CDK5RAP2: variants seen among roughly 807,000 people sequenced by gnomAD.
CDK5RAP2 encodes the protein CDK5 regulatory subunit associated protein 2, also known as CDK5 regulatory subunit-associated protein 2.
CDK5RAP2 carries 147 observed loss-of-function variants against 232.9 expected under a neutral mutation model. The observed-to-expected ratio is 0.63, with a 90% CI of 0.55 to 0.72. The LOEUF (loss-of-function observed/expected upper bound fraction) is 0.72, where lower values mean the gene tolerates loss of function less well. Ranked by LOEUF, CDK5RAP2 falls within the 30% of genes least tolerant of loss-of-function variation. The probability of loss-of-function intolerance (pLI) is 0.00; values close to 1 mark genes in which losing one functional copy is unlikely to be tolerated. For synonymous variants in CDK5RAP2, 833 were observed against 833.7 expected (o/e 1.00, Z 0.01); for missense variants, 2,195 against 2,231.5 (o/e 0.98, Z 0.33).
At chr9:120,497,012 G>A (rs576662500) in intron 12 of CDK5RAP2, among the ~76,000 whole-genome samples, 3 of 135,794 alleles carry the variant, frequency 2.2e-5, no homozygotes, top group Admixed American at 7.0e-5. Context: ...GATGGTTGCC[G>A]TGTCTGTGTA....
Position 120,439,908 on chromosome 9 carries a change from A to G in CDK5RAP2, c.3213T>C (p.Asp1071=). The change falls in exon 24 of 38, where the codon GAT becomes GAC. Residue 1071 remains aspartate, a synonymous_variant. Transcript: ENST00000349780. ...SLPSCKENPE[D]VLSPTSVATY... is the part of the protein sequence containing the mutation. ...TAGCTACTGAAGTTGGGCTCAGAAC[A>G]TCTTCAGGATTTTCTTTGCATGATG... 1 of 1,614,184 alleles carries G rather than the reference A, an allele frequency of 6.2e-7. No homozygotes were observed. Among genetic ancestry groups the G allele is most frequent in the Non-Finnish European group, 8.5e-7 (1 of 1,180,018 alleles).
In CDK5RAP2 at chr9:120,496,639, A is replaced by G. The variant is rs1242164103; in HGVS notation, c.1312-5162T>C. 2.6e-3 allele frequency among the ~76,000 whole-genome samples: 293 copies of G among 114,876 alleles called. No individual in the cohort carries two copies. In the Middle Eastern group the frequency reaches 0.062, roughly 24 times the overall value. The allele number at this position is 114,876 out of a possible 152,430, so 75.4% of individuals were successfully genotyped here. A position where few individuals can be genotyped will look rare whatever the true frequency, so the allele number is the denominator to read the frequency against. On this transcript the variant is annotated intron_variant, in intron 12 of 37. Coordinates refer to ENST00000349780, the MANE Select transcript of CDK5RAP2 (RefSeq NM_018249.6). ...CTCTGCCCGGCCGCCCCTACTGGGA[A>G]GTGAGGAGCCCCTCTGCCCGGCCAG...
At chr9:120,402,107 C>A (rs1376900299) in intron 34 of CDK5RAP2, among the ~76,000 whole-genome samples, 6 of 152,112 alleles carry the variant, frequency 3.9e-5, no homozygotes. Flanking sequence ...GCCTGGGCAA[C>A]AGAGTGAGAC....
chr9:120,517,301 C>A lies in CDK5RAP2; in HGVS notation c.1311+1126G>T, dbSNP rs563025856. Among the ~76,000 whole-genome samples the A allele has an allele frequency of 1.2e-4, 19 of 152,274 alleles. 1 individual carries two copies. The highest frequency in any genetic ancestry group is 1.2e-3 in the Admixed American group (19 of 15,302). On this transcript the variant is annotated intron_variant, in intron 12 of 37. Coordinates refer to ENST00000349780, the MANE Select transcript of CDK5RAP2 (RefSeq NM_018249.6). ...ATATACAAACATTTGCATTTCAATT[C>A]TTTCTTCAGTGTTAACACTGGGATT...
chr9:120,475,205 C>A (rs1488661178), intron 15 of CDK5RAP2, among the ~76,000 whole-genome samples: 1 of 152,138 alleles, frequency 6.6e-6, no homozygotes, highest in Non-Finnish European at 1.5e-5. Context: ...AAATTACTTA[C>A]CCAAGAGCTC....
intron 36 of CDK5RAP2, 124 bp downstream of exon 36, chr9:120,394,388 G>T: frequency 1.4e-6 from 2 of 1,447,868 alleles, no homozygotes; most frequent in Non-Finnish European, 1.9e-6. Flanking sequence ...ATGAAAAGAA[G>T]CCCACAGATA....
chr9:120,398,655 C>T (rs748187729), intron 35 of CDK5RAP2, among the ~76,000 whole-genome samples: 4 of 152,176 alleles, frequency 2.6e-5, no homozygotes, highest in Non-Finnish European at 4.4e-5. Flanking sequence ...AATCTACCTT[C>T]TATCTGTTAC....
rs200495506 is a variant in CDK5RAP2 at position 120,468,003 on chromosome 9, A to G, written c.1969-6T>C. The G allele has an allele frequency of 9.3e-5, 150 of 1,613,736 alleles. No homozygotes were observed. Among genetic ancestry groups the G allele is most frequent in the Non-Finnish European group, 2.5e-5 (30 of 1,179,842 alleles). ...AGCTGTATAAGGTCACTGACCTAGG[A>G]GGTAAGAACAGGGAAAAGGCTGTCT... is the stretch of plus-strand genomic sequence containing the variant. On this transcript the variant is annotated splice_polypyrimidine_tract_variant and splice_region_variant and intron_variant, in intron 17 of 37. Transcript: ENST00000349780.
chr9:120,503,945 G>C (rs1025675863), intron 12 of CDK5RAP2, among the ~76,000 whole-genome samples: 1 of 152,050 alleles, frequency 6.6e-6, no homozygotes, highest in Admixed American at 6.5e-5. Context: ...GGTGTGGCAC[G>C]CCCTCAACAC....
In CDK5RAP2 at chr9:120,528,074, G is replaced by C. The variant is rs2040986580; in HGVS notation, c.880-149C>G. The C allele has an allele frequency of 6.2e-6, 7 of 1,136,858 alleles. No homozygotes were observed. The East Asian group carries it at 1.7e-4, about 27-fold the overall frequency. 70.4% of individuals were successfully genotyped at this position (1,136,858 alleles called of 1,614,324 possible). On this transcript the variant is annotated intron_variant, in intron 9 of 37. Transcript: ENST00000349780. ...ATGTTTCCAAGTGGAGCTGAACATA[G>C]TGCCATCAGCTCCAAGTTACTGTGT... is the stretch of plus-strand genomic sequence containing the variant.
At chr9:120,418,091 T>C (rs2034344730) in intron 27 of CDK5RAP2, among the ~76,000 whole-genome samples, 1 of 152,132 alleles carries the variant, frequency 6.6e-6, no homozygotes, top group Admixed American at 6.5e-5. Context: ...CTCTACCGAA[T>C]CATAAATATG....
intron 10 of CDK5RAP2, 96 bp downstream of exon 10, chr9:120,527,710 T>C: frequency 1.4e-6 from 2 of 1,416,648 alleles, no homozygotes; most frequent in Non-Finnish European, 2.0e-6. Flanking sequence ...TCAGCTCTCT[T>C]ATAAACTTTT....
At chr9:120,555,170 T>G (rs534511611) in intron 3 of CDK5RAP2, among the ~76,000 whole-genome samples, 1 of 152,020 alleles carries the variant, frequency 6.6e-6, no homozygotes, top group Non-Finnish European at 1.5e-5. Flanking sequence ...AGACGGAGTC[T>G]CGCTTTATTG....
intron 12 of CDK5RAP2, among the ~76,000 whole-genome samples, chr9:120,501,200 C>T (rs1295441706): frequency 6.6e-6 from 1 of 152,194 alleles, no homozygotes; most frequent in Non-Finnish European, 1.5e-5. Flanking sequence ...GCTGTCTTGC[C>T]GTTCCTCTTA....
At chr9:120,413,934 G>A (rs775591056) in intron 28 of CDK5RAP2, among the ~76,000 whole-genome samples, 10 of 152,110 alleles carry the variant, frequency 6.6e-5, no homozygotes, top group South Asian at 6.2e-4. Context: ...TGTCCCTCCC[G>A]GCTGGTAGCT....
rs1352464105 is a variant in CDK5RAP2 at position 120,527,866 on chromosome 9, A to C, written c.939T>G (p.Ser313Arg). 2.5e-6 allele frequency: 4 copies of C among 1,613,690 alleles called. 1 individual carries two copies. The highest frequency in any genetic ancestry group is 2.7e-5 in the African/African-American group (2 of 74,894). ...EREIATEKKN[S>R]LKRDKAIQGL... Reference sequence around the variant, plus strand: ...CCTGAATGGCTTTATCCCTCTTTAGACTATTTTTCTTCTCTGTAGCAATTT... The same window carrying C: ...CCTGAATGGCTTTATCCCTCTTTAGCCTATTTTTCTTCTCTGTAGCAATTT... The change falls in exon 10 of 38, where the codon AGT becomes AGG. Residue 313 changes from serine to arginine, a missense_variant. Transcript: ENST00000349780.
chr9:120,560,336 A>G (rs1049498382), intron 3 of CDK5RAP2, among the ~76,000 whole-genome samples: 3 of 152,226 alleles, frequency 2.0e-5, no homozygotes, highest in Non-Finnish European at 4.4e-5. Context: ...AACACAGGAT[A>G]GCGTTAAAAA....
At chr9:120,476,407 A>C (rs967585996) in intron 15 of CDK5RAP2, among the ~76,000 whole-genome samples, 11 of 139,686 alleles carry the variant, frequency 7.9e-5, no homozygotes, top group Non-Finnish European at 6.4e-5. Context: ...GTGTAGAGAG[A>C]GGTGACCAAC....
intron 29 of CDK5RAP2, among the ~76,000 whole-genome samples, chr9:120,409,655 G>A (rs1391770975): frequency 3.3e-5 from 5 of 152,254 alleles, no homozygotes; most frequent in South Asian, 4.1e-4. Context: ...TGGCCTGGCC[G>A]CAGGCCTTCT....
Sources: allele counts gnomAD v4.1 joint callset (sites outside exome capture counted in the v4.1 genomes callset), GRCh38; gene constraint gnomAD v4.1.1; transcripts MANE v1.5; gene names NCBI Gene and HGNC (gene_info 2026-07-23, HGNC 2026-07-21).